DHX36: variants seen among roughly 807,000 people sequenced by gnomAD.
DHX36 encodes the protein ATP-dependent DNA/RNA helicase DHX36.
A neutral mutation model predicts 139.0 loss-of-function variants in DHX36; 50 were observed. That is an observed-to-expected ratio of 0.36 (90% CI 0.29 to 0.46). The LOEUF is 0.46. DHX36 is among the 20% of genes least tolerant of loss of function. The probability of loss-of-function intolerance (pLI) is 1.00; values close to 1 mark genes in which losing one functional copy is unlikely to be tolerated. For missense variants in DHX36, 1,024 were observed against 1,211.3 expected (o/e 0.85, Z 2.29); for synonymous variants, 425 against 401.9 (o/e 1.06, Z -0.69).
At chr3:154,291,027 T>C (rs1050451955) in intron 15 of DHX36, among the ~76,000 whole-genome samples, 1 of 141,610 alleles carries the variant, frequency 7.1e-6, no homozygotes, top group South Asian at 2.3e-4. Flanking sequence ...CCCAGCTACT[T>C]GGGAGGCTGA....
In DHX36 at chr3:154,295,303, G is replaced by C; in HGVS notation, c.1586C>G (p.Pro529Arg). The C allele has an allele frequency of 3.2e-6, 5 of 1,545,626 alleles. No individual in the cohort carries two copies. The South Asian group carries it at 6.1e-5, about 19-fold the overall frequency. Reference protein sequence around the residue: ...FLIIPLHSLMPTVNQTQVFKR... With the variant: ...FLIIPLHSLMRTVNQTQVFKR... ...ACATACCTGTGTCTGGTTAACTGTAGGCATCAGTGAATGTAAAGGTATAAT... is the reference window on the plus strand; with the variant it reads ...ACATACCTGTGTCTGGTTAACTGTACGCATCAGTGAATGTAAAGGTATAAT... The change falls in exon 13 of 25, where the codon CCT becomes CGT. Residue 529 changes from proline (P) to arginine (R), a missense_variant. By Grantham distance (103) the Pro-to-Arg change is moderately radical. This residue lies in a region of DHX36 where 470 missense variants were observed against 616.2 expected (regional missense o/e 0.76). Coordinates refer to ENST00000496811, the MANE Select transcript of DHX36 (RefSeq NM_020865.3).
chr3:154,316,545 T>C (rs145247570), intron 1 of DHX36, among the ~76,000 whole-genome samples: 119 of 152,182 alleles, frequency 7.8e-4, no homozygotes, highest in Middle Eastern at 3.4e-3. Flanking sequence ...ACGAAAAAAG[T>C]TGAAAACTGG....
intron 8 of DHX36, 59 bp downstream of exon 8, chr3:154,304,747 A>T (rs1712433911): frequency 1.5e-6 from 2 of 1,322,938 alleles, no homozygotes; most frequent in Admixed American, 2.8e-5. Flanking sequence ...TACCATATTA[A>T]TTTTTTTAAT....
rs756994082 is a variant in DHX36 at position 154,316,095 on chromosome 3, C to T, written c.312G>A (p.Ala104=). 7 of 1,613,170 alleles carry T rather than the reference C, an allele frequency of 4.3e-6. No individual in the cohort carries two copies. In the African/African-American group the frequency reaches 6.7e-5, roughly 15 times the overall value. Residue 104 remains alanine, a synonymous_variant, in exon 2 of 25, where the codon GCG becomes GCA. Transcript: ENST00000496811. Reference sequence around the variant, plus strand: ...GTGCTTCTGACTCTTTATCATTCTTCGCTTGAACAGAATTCAGTAACTGTA... The same window carrying T: ...GTGCTTCTGACTCTTTATCATTCTTTGCTTGAACAGAATTCAGTAACTGTA... ...QIVQLLNSVQ[A]KNDKESEAQI...
Position 154,309,245 on chromosome 3 carries a change from G to A in DHX36, c.813+408C>T, listed in dbSNP as rs78115912. Among the ~76,000 whole-genome samples, 155 of 150,740 alleles carry A rather than the reference G, an allele frequency of 1.0e-3. No individual in the cohort carries two copies. In the East Asian group the frequency reaches 0.019, roughly 18 times the overall value. On this transcript the variant is annotated intron_variant, in intron 5 of 24. Transcript: ENST00000496811. ...AATGCAGCTTAAAAAAAAAAACAAG[G>A]TTTCCCACTTTCACCACCATTCAGT...
intron 19 of DHX36, among the ~76,000 whole-genome samples, 199 bp from the exon 20 acceptor site, chr3:154,283,470 A>G (rs1367073636): frequency 6.6e-6 from 1 of 152,064 alleles, no homozygotes; most frequent in East Asian, 1.9e-4. Flanking sequence ...GACAACCACC[A>G]CTGAAGTTCC....
At chr3:154,311,766 T>C in intron 3 of DHX36, 92 bp from the exon 4 acceptor site, 1 of 948,982 alleles carries the variant, frequency 1.1e-6, no homozygotes, top group Admixed American at 3.1e-5. Context: ...GTAAATTGGC[T>C]AGAATCCGAA....
rs191506281 is a variant in DHX36, at chr3:154,273,294, G to A, written c.*2877C>T. On this transcript the variant is annotated 3_prime_UTR_variant, in exon 25 of 25. Transcript: ENST00000496811. ...AATGTCCAACCTAATCAGCTGTGCAGAAGACATAAATTGGAGGTAACAATA... is the reference window on the plus strand; with the variant it reads ...AATGTCCAACCTAATCAGCTGTGCAAAAGACATAAATTGGAGGTAACAATA... 2.0e-5 allele frequency: 3 copies of A among 152,314 alleles called. No homozygotes were observed. Among genetic ancestry groups the A allele is most frequent in the Admixed American group, 2.0e-4 (3 of 15,296 alleles). The allele number at this position is 152,314 out of a possible 1,614,324, so 9.4% of individuals were successfully genotyped here. A position where few individuals can be genotyped will look rare whatever the true frequency, so the allele number is the denominator to read the frequency against.
Position 154,316,180 on chromosome 3 carries a change from A to G in DHX36, c.244-17T>C. ...TACAGCTCTCTAGTTTGTGCAAAGA[A>G]AAAAGCATCCTTGTCAACATAAGAA... On this transcript the variant is annotated splice_polypyrimidine_tract_variant and intron_variant, in intron 1 of 24. Coordinates refer to ENST00000496811, the MANE Select transcript of DHX36 (RefSeq NM_020865.3). The G allele has an allele frequency of 1.2e-6, 2 of 1,610,800 alleles. No individual in the cohort carries two copies. Among genetic ancestry groups the G allele is most frequent in the East Asian group, 4.5e-5 (2 of 44,784 alleles).
intron 15 of DHX36, 89 bp from the exon 16 acceptor site, chr3:154,289,915 T>G: frequency 1.4e-6 from 1 of 723,800 alleles, no homozygotes; most frequent in South Asian, 1.9e-5. Context: ...GGCAGGGAAG[T>G]AGCCAATATC....
chr3:154,273,753 C>T lies in DHX36; in HGVS notation c.*2418G>A, dbSNP rs1178349135. On this transcript the variant is annotated 3_prime_UTR_variant, in exon 25 of 25. Coordinates refer to ENST00000496811, the MANE Select transcript of DHX36 (RefSeq NM_020865.3). Reference sequence around the variant, plus strand: ...AAGTGCTGTTAATGGATCACTGTAGCATTATCAATACATCCCAGTCATTGT... The same window carrying T: ...AAGTGCTGTTAATGGATCACTGTAGTATTATCAATACATCCCAGTCATTGT... The T allele has an allele frequency of 5.9e-5, 9 of 152,150 alleles. No individual in the cohort carries two copies. The highest frequency in any genetic ancestry group is 1.0e-4 in the Non-Finnish European group (7 of 68,008). 9.4% of individuals were successfully genotyped at this position (152,150 alleles called of 1,614,324 possible).
intron 1 of DHX36, 121 bp downstream of exon 1, chr3:154,324,053 T>A (rs577844214): frequency 1.1e-5 from 13 of 1,156,948 alleles, no homozygotes; most frequent in Middle Eastern, 2.0e-4. Context: ...TATTTGCGCC[T>A]CATTTACATT....
intron 6 of DHX36, 42 bp downstream of exon 6, chr3:154,306,174 T>G (rs1429362138): frequency 7.1e-7 from 1 of 1,405,508 alleles, no homozygotes; most frequent in Non-Finnish European, 1.0e-6. Context: ...CTTCAAAGTT[T>G]CACTAAAATC....
chr3:154,300,249 G>A (rs1197053983), intron 11 of DHX36, among the ~76,000 whole-genome samples: 2 of 152,026 alleles, frequency 1.3e-5, no homozygotes, highest in African/African-American at 4.8e-5. Flanking sequence ...TGTATTTTTA[G>A]TAGAGACAGG....
chr3:154,315,087 A>C lies in DHX36; in HGVS notation c.562T>G (p.Leu188Val), dbSNP rs779616243. 1.2e-6 allele frequency: 2 copies of C among 1,609,862 alleles called. No individual in the cohort carries two copies. Among genetic ancestry groups the C allele is most frequent in the African/African-American group, 1.3e-5 (1 of 74,572 alleles). Residue 188 changes from leucine (L) to valine (V), a missense_variant, in exon 3 of 25, where the codon TTA (leucine) becomes GTA (valine). Leu to Val is a conservative substitution (Grantham distance 32, BLOSUM62 1). Transcript: ENST00000496811. ...CGAAGGTCATTTTTTTTCTTTTGTAAATCTTCCAATAATTTTTGGTCTAAA... is the reference window on the plus strand; with the variant it reads ...CGAAGGTCATTTTTTTTCTTTTGTACATCTTCCAATAATTTTTGGTCTAAA... The part of the protein sequence containing the change: ...GTLDQKLLED[L>V]QKKKNDLRYI...
chr3:154,303,541 C>T, intron 8 of DHX36, 131 bp from the exon 9 acceptor site: 3 of 616,212 alleles, frequency 4.9e-6, no homozygotes, highest in Non-Finnish European at 8.0e-6. Flanking sequence ...TTTTACAATT[C>T]TACCCTACTT....
In DHX36 at chr3:154,289,291, G is replaced by A. The variant is rs143333620; in HGVS notation, c.1933-327C>T. Among the ~76,000 whole-genome samples, 225 of 152,214 alleles carry A rather than the reference G, an allele frequency of 1.5e-3. 1 individual carries two copies. Among genetic ancestry groups the A allele is most frequent in the African/African-American group, 5.3e-3 (221 of 41,532 alleles). On this transcript the variant is annotated intron_variant, in intron 16 of 24. Coordinates refer to ENST00000496811, the MANE Select transcript of DHX36 (RefSeq NM_020865.3). ...TGATTACTCACTATCTTCAAAACAAGTCTAACTATATCAAAAGACACAAGA... is the reference window on the plus strand; with the variant it reads ...TGATTACTCACTATCTTCAAAACAAATCTAACTATATCAAAAGACACAAGA...
chr3:154,324,337 G>T lies in DHX36; in HGVS notation c.80C>A (p.Ala27Glu), dbSNP rs774020317. The change falls in exon 1 of 25, where the codon GCA becomes GAA. Residue 27 changes from alanine to glutamate, a missense_variant. Ala to Glu is a moderately radical substitution (Grantham distance 107, BLOSUM62 -1). Around this residue, in one of 4 missense-constraint regions of DHX36, gnomAD observed 293 missense variants for 274.4 expected, o/e 1.07. Coordinates refer to ENST00000496811, the MANE Select transcript of DHX36 (RefSeq NM_020865.3). ...SSGGGYGGGP[A>E]GGHGGNRGSG... The stretch of plus-strand genomic sequence containing the variant: ...GCCTCGGTTACCTCCATGACCCCCT[G>T]CTGGCCCCCCTCCATAGCCCCCACC... The T allele has an allele frequency of 1.2e-6, 2 of 1,605,362 alleles. No homozygotes were observed. The highest frequency in any genetic ancestry group is 1.7e-6 in the Non-Finnish European group (2 of 1,176,162).
intron 1 of DHX36, among the ~76,000 whole-genome samples, chr3:154,318,515 C>A (rs1713073074): frequency 6.6e-6 from 1 of 151,896 alleles, no homozygotes; most frequent in African/African-American, 2.4e-5. Context: ...ATTTCACGCC[C>A]CCGGAAAAGG....
Sources: allele counts gnomAD v4.1 joint callset (sites outside exome capture counted in the v4.1 genomes callset), GRCh38; gene constraint gnomAD v4.1.1; regional missense constraint gnomAD v4.1.1; transcripts MANE v1.5; gene names NCBI Gene and HGNC (gene_info 2026-07-23, HGNC 2026-07-21).